Variants in MINAR1 observed in about 807,000 individuals in gnomAD.
MINAR1 encodes membrane integral NOTCH2 associated receptor 1.
Under a neutral mutation model 65.1 loss-of-function variants are expected in MINAR1, and 40 were observed. The ratio of observed to expected loss-of-function variants is 0.61; its 90% CI spans 0.48 to 0.80. MINAR1 has a LOEUF of 0.80. MINAR1 is among the 30% of genes least tolerant of loss of function. The probability of loss-of-function intolerance (pLI) is 0.00; values close to 1 mark genes in which losing one functional copy is unlikely to be tolerated. For synonymous variants in MINAR1, 482 were observed against 449.1 expected (o/e 1.07, Z -0.93); for missense variants, 1,128 against 1,148.0 (o/e 0.98, Z 0.25).
the MINAR1 span, chr15:79,424,230 CCAGA>C: frequency 1.3e-5 from 2 of 152,284 alleles, no homozygotes; most frequent in Non-Finnish European, 2.9e-5. Context: ...GGCTTAGTTA[CCAGA>C]CATTCAGATA....
intron 2 of MINAR1, among the ~76,000 whole-genome samples, chr15:79,460,243 C>T (rs997016729): frequency 7.2e-5 from 11 of 152,176 alleles, no homozygotes; most frequent in Admixed American, 1.3e-4. Flanking sequence ...TGGTAGTGAC[C>T]AGACCCGGCC....
At chr15:79,436,076 G>A (rs1180504942) in intron 1 of MINAR1, among the ~76,000 whole-genome samples, 1 of 152,234 alleles carries the variant, frequency 6.6e-6, no homozygotes, top group African/African-American at 2.4e-5. Context: ...TCCAGAAAGT[G>A]GCTGCTCCTC....
At position 79,472,245 on chromosome 15, in the gene MINAR1, C is replaced by G. The variant is rs931551818; in HGVS notation, c.*3861C>G. 1.3e-5 allele frequency: 2 copies of G among 152,468 alleles called. No individual in the cohort carries two copies. Among genetic ancestry groups the G allele is most frequent in the Non-Finnish European group, 2.9e-5 (2 of 68,022 alleles). 9.4% of individuals were successfully genotyped at this position (152,468 alleles called of 1,614,324 possible). A position where few individuals can be genotyped will look rare whatever the true frequency, so the allele number is the denominator to read the frequency against. ...TTAATGTACAATGGTTGGTTTGAAG[C>G]TATCATGTAAAATTGGCCTCTCCAA... is the stretch of plus-strand genomic sequence containing the variant. On this transcript the variant is annotated 3_prime_UTR_variant, in exon 4 of 4. Transcript: ENST00000305428.
In MINAR1 at chr15:79,463,162, C is replaced by T; in HGVS notation, c.2394C>T (p.Tyr798=). 1.2e-6 allele frequency: 2 copies of T among 1,614,218 alleles called. No homozygotes were observed. The highest frequency in any genetic ancestry group is 1.7e-6 in the Non-Finnish European group (2 of 1,180,038). The change falls in exon 3 of 4, where the codon TAC becomes TAT. Residue 798 remains tyrosine, a synonymous_variant. Transcript: ENST00000305428. The stretch of plus-strand genomic sequence containing the variant: ...AGCAGGTGTTCAGCCCTCACCCCTA[C>T]CCTGCCTCCCTCAAGGCCCACATGA... ...LVEQVFSPHP[Y]PASLKAHMKS... is the part of the protein sequence containing the mutation.
At chr15:79,422,957 C>T in the MINAR1 span, 2 of 152,220 alleles carry the variant, frequency 1.3e-5, no homozygotes, top group African/African-American at 4.8e-5. Context: ...TTTGATTCAG[C>T]AGTTCCACTT....
chr15:79,453,766 C>T (rs1034234287), intron 1 of MINAR1, among the ~76,000 whole-genome samples: 1 of 152,176 alleles, frequency 6.6e-6, no homozygotes, highest in Non-Finnish European at 1.5e-5. Context: ...TTTGTTTGTA[C>T]TTCTTTTATT....
intron 1 of MINAR1, among the ~76,000 whole-genome samples, chr15:79,450,927 TATTATTA>T (rs1388740619): frequency 2.0e-5 from 3 of 152,194 alleles, no homozygotes; most frequent in Non-Finnish European, 4.4e-5. Flanking sequence ...GGAAGCTCTT[TATTATTA>T]AGTGCTTTAC....
chr15:79,458,614 G>A (rs998846146), intron 2 of MINAR1, among the ~76,000 whole-genome samples, 169 bp downstream of exon 2: 7 of 152,180 alleles, frequency 4.6e-5, no homozygotes, highest in Admixed American at 3.9e-4. Context: ...GACAACATAG[G>A]CAGGTCGTGT....
At chr15:79,459,232 T>C (rs1895553050) in intron 2 of MINAR1, among the ~76,000 whole-genome samples, 1 of 152,168 alleles carries the variant, frequency 6.6e-6, no homozygotes, top group Admixed American at 6.6e-5. Context: ...AGACGGCAAC[T>C]CTTAATCTGG....
chr15:79,452,552 GTGAGTC>G (rs1310190853), intron 1 of MINAR1, among the ~76,000 whole-genome samples: 1 of 150,236 alleles, frequency 6.7e-6, no homozygotes, highest in Non-Finnish European at 1.5e-5. Flanking sequence ...GTGTGTGTGG[GTGAGTC>G]TGTGTGTGTG....
Position 79,457,903 on chromosome 15 carries a change from C to A in MINAR1, c.1756C>A (p.His586Asn). Reference protein sequence around the residue: ...GDKGNRPENTHHSEEELKTSV... With the variant: ...GDKGNRPENTNHSEEELKTSV... ...CAAGGGCAACCGGCCTGAAAACACC[C>A]ACCACTCGGAAGAAGAGCTGAAGAC... Residue 586 changes from histidine to asparagine, a missense_variant, in exon 2 of 4, where the codon CAC (histidine) becomes AAC (asparagine). Transcript: ENST00000305428. 6.2e-7 allele frequency: 1 copy of A among 1,614,110 alleles called. No individual in the cohort carries two copies. The highest frequency in any genetic ancestry group is 1.1e-5 in the South Asian group (1 of 91,070).
upstream of MINAR1, among the ~76,000 whole-genome samples, chr15:79,428,433 C>T (rs1274973483): frequency 7.7e-6 from 1 of 129,798 alleles, no homozygotes; most frequent in Non-Finnish European, 1.7e-5. Context: ...TCTTTCCTTC[C>T]TTTCTTCCCC....
Position 79,470,652 on chromosome 15 carries a change from A to G in MINAR1, c.*2268A>G, listed in dbSNP as rs1345391889. 2 of 152,244 alleles carry G rather than the reference A, an allele frequency of 1.3e-5. No individual in the cohort carries two copies. Among genetic ancestry groups the G allele is most frequent in the Admixed American group, 6.5e-5 (1 of 15,276 alleles). 9.4% of individuals were successfully genotyped at this position (152,244 alleles called of 1,614,324 possible). A position where few individuals can be genotyped will look rare whatever the true frequency, so the allele number is the denominator to read the frequency against. ...TCAGGCTTGGAAATGAAAGGATTCTATAGAATATTCTATACTTTCCATAGC... is the reference window on the plus strand; with the variant it reads ...TCAGGCTTGGAAATGAAAGGATTCTGTAGAATATTCTATACTTTCCATAGC... On this transcript the variant is annotated 3_prime_UTR_variant, in exon 4 of 4. Coordinates refer to ENST00000305428, the MANE Select transcript of MINAR1 (RefSeq NM_015206.3).
chr15:79,436,716 A>G (rs548738941), intron 1 of MINAR1, among the ~76,000 whole-genome samples: 1 of 152,330 alleles, frequency 6.6e-6, no homozygotes, highest in Non-Finnish European at 1.5e-5. Context: ...ATGTCATTTA[A>G]TATTATCCTT....
At chr15:79,432,585 A>AGT (rs3036997) in intron 1 of MINAR1, 45 bp downstream of exon 1, 41,761 of 150,680 alleles carry the variant, frequency 0.28, 5,703 homozygotes, top group South Asian at 0.35. Context: ...GGAGCGCACG[A>AGT]GTGTGTGTGT....
the MINAR1 span, chr15:79,423,589 A>T: frequency 6.6e-6 from 1 of 152,246 alleles, no homozygotes; most frequent in Non-Finnish European, 1.5e-5. Flanking sequence ...AGTTATAAGG[A>T]CTTTCTTGGC....
At chr15:79,411,430 G>A in the MINAR1 span, 1 of 702,538 alleles carries the variant, frequency 1.4e-6, no homozygotes, top group Non-Finnish European at 2.6e-6. Flanking sequence ...GAAGGAGGTG[G>A]ACAAGATGGT....
rs1251872652 is a variant in MINAR1 at position 79,469,524 on chromosome 15, A to G, written c.*1140A>G. 6.6e-6 allele frequency: 1 copy of G among 152,310 alleles called. No individual in the cohort carries two copies. Among genetic ancestry groups the G allele is most frequent in the Non-Finnish European group, 1.5e-5 (1 of 68,014 alleles). 9.4% of individuals were successfully genotyped at this position (152,310 alleles called of 1,614,324 possible). ...CAGTGCAAAAAATATTATCTGTTTA[A>G]CCACTTATCTATATGTCTATCTATC... On this transcript the variant is annotated 3_prime_UTR_variant, in exon 4 of 4. Coordinates refer to ENST00000305428, the MANE Select transcript of MINAR1 (RefSeq NM_015206.3).
intron 1 of MINAR1, among the ~76,000 whole-genome samples, chr15:79,444,345 C>T (rs987934950): frequency 6.6e-6 from 1 of 151,868 alleles, no homozygotes; most frequent in African/African-American, 2.4e-5. Flanking sequence ...TTTTCTTTAT[C>T]ATTCTTGCCA....
Sources: allele counts gnomAD v4.1 joint callset (sites outside exome capture counted in the v4.1 genomes callset), GRCh38; gene constraint gnomAD v4.1.1; transcripts MANE v1.5; gene names NCBI Gene and HGNC (gene_info 2026-07-23, HGNC 2026-07-21).